HPSE2: variants seen among roughly 807,000 people sequenced by gnomAD.
The protein encoded by HPSE2 is inactive heparanase-2.
Under a neutral mutation model 60.5 loss-of-function variants are expected in HPSE2, and 38 were observed. That is an observed-to-expected ratio of 0.63 (90% CI 0.48 to 0.82). The LOEUF is 0.82. Among genes scored for constraint, HPSE2 ranks in the 40% least tolerant of loss-of-function variants. The pLI is 0.00. For missense variants in HPSE2, 713 were observed against 740.4 expected (o/e 0.96, Z 0.43); for synonymous variants, 295 against 293.2 (o/e 1.01, Z -0.06).
the HPSE2 span, among the ~76,000 whole-genome samples, chr10:99,292,339 A>G: frequency 6.6e-6 from 1 of 152,374 alleles, no homozygotes; most frequent in South Asian, 2.1e-4. Flanking sequence ...CTACTAGTGT[A>G]TAACACTCTT....
At chr10:99,218,268 G>C (rs1849200182) in intron 2 of HPSE2, among the ~76,000 whole-genome samples, 3 of 150,594 alleles carry the variant, frequency 2.0e-5, no homozygotes, top group African/African-American at 4.9e-5. Context: ...GCTTTCTGAA[G>C]GAAACTCAGA....
At chr10:99,257,565 G>C in the HPSE2 span, among the ~76,000 whole-genome samples, 1 of 152,084 alleles carries the variant, frequency 6.6e-6, no homozygotes, top group South Asian at 2.1e-4. Context: ...TGGTCAGACC[G>C]GTTGTCTGCT....
chr10:98,974,094 C>A (rs1956026885), intron 3 of HPSE2, among the ~76,000 whole-genome samples: 1 of 151,892 alleles, frequency 6.6e-6, no homozygotes, highest in Non-Finnish European at 1.5e-5. Flanking sequence ...AGTTTGAGAC[C>A]AGCCTGGCCA....
intron 11 of HPSE2, among the ~76,000 whole-genome samples, chr10:98,470,043 G>T (rs541616144): frequency 6.6e-6 from 1 of 152,234 alleles, no homozygotes; most frequent in Admixed American, 6.5e-5. Flanking sequence ...AGAATGTGGG[G>T]CTACAAAGCA....
intron 3 of HPSE2, among the ~76,000 whole-genome samples, chr10:98,759,076 A>C (rs1949946573): frequency 6.6e-6 from 1 of 152,162 alleles, no homozygotes; most frequent in African/African-American, 2.4e-5. Context: ...AAGTGAATTA[A>C]TGCAGGAACA....
At chr10:99,029,069 G>C (rs1957440389) in intron 3 of HPSE2, among the ~76,000 whole-genome samples, 1 of 152,132 alleles carries the variant, frequency 6.6e-6, no homozygotes, top group South Asian at 2.1e-4. Context: ...ACATTGGTCT[G>C]GGCAAAGATT....
intron 6 of HPSE2, among the ~76,000 whole-genome samples, chr10:98,648,267 G>A (rs903789300): frequency 6.6e-6 from 1 of 152,142 alleles, no homozygotes; most frequent in Non-Finnish European, 1.5e-5. Flanking sequence ...TGATCCTAGC[G>A]GTGTTAAGGA....
intron 9 of HPSE2, among the ~76,000 whole-genome samples, chr10:98,504,065 G>A (rs1309313688): frequency 6.6e-6 from 1 of 152,092 alleles, no homozygotes; most frequent in Non-Finnish European, 1.5e-5. Flanking sequence ...GAATACGAAA[G>A]GTGAAATAAA....
intron 2 of HPSE2, among the ~76,000 whole-genome samples, chr10:99,154,951 T>A (rs1196372347): frequency 6.6e-6 from 1 of 151,470 alleles, no homozygotes; most frequent in Non-Finnish European, 1.5e-5. Context: ...GGGGTTGCAA[T>A]CCTAGTCTCT....
upstream of HPSE2, among the ~76,000 whole-genome samples, chr10:99,239,527 T>C (rs1047117157): frequency 6.7e-6 from 1 of 148,326 alleles, no homozygotes; most frequent in Non-Finnish European, 1.5e-5. Context: ...CCTCCGGGGT[T>C]CAAGCAATTC....
the HPSE2 span, among the ~76,000 whole-genome samples, chr10:99,307,830 GCGCA>G: frequency 5.0e-3 from 711 of 141,094 alleles, 2 homozygotes; most frequent in South Asian, 9.3e-3. Flanking sequence ...CCTAGTAAAT[GCGCA>G]CACACACACA....
rs527839752 is a variant in HPSE2, at chr10:99,186,104, CCACACACACACACACACACACA to C, written c.449-41727_449-41706del. On this transcript the variant is annotated intron_variant, in intron 2 of 11. Coordinates refer to ENST00000370552, the MANE Select transcript of HPSE2 (RefSeq NM_021828.5). Reference sequence around the variant, plus strand: ...TGATAACACTAAGCAGGATAAATAACCACACACACACACACACACACACACACACACACACACACACACACAC... The same window carrying C: ...TGATAACACTAAGCAGGATAAATAACCACACACACACACACACACACACAC... 5.6e-3 allele frequency among the ~76,000 whole-genome samples: 454 copies of C among 80,754 alleles called. 3 individuals are homozygous for C. The highest frequency in any genetic ancestry group is 0.014 in the African/African-American group (421 of 29,286). The allele number at this position is 80,754 out of a possible 152,430, so 53.0% of individuals were successfully genotyped here. A position where few individuals can be genotyped will look rare whatever the true frequency, so the allele number is the denominator to read the frequency against.
intron 2 of HPSE2, among the ~76,000 whole-genome samples, chr10:99,191,191 TG>T (rs1278203432): frequency 6.6e-6 from 1 of 151,936 alleles, no homozygotes; most frequent in South Asian, 2.1e-4. Flanking sequence ...TACCTGGGGC[TG>T]GGGGGTAGTT....
At chr10:98,914,058 C>T (rs548399248) in intron 3 of HPSE2, among the ~76,000 whole-genome samples, 2 of 152,170 alleles carry the variant, frequency 1.3e-5, no homozygotes, top group Admixed American at 1.3e-4. Flanking sequence ...GCTGTGCCCC[C>T]ACCCAAATCT....
At chr10:98,898,675 AAT>A in intron 3 of HPSE2, among the ~76,000 whole-genome samples, 1 of 152,286 alleles carries the variant, frequency 6.6e-6, no homozygotes, top group Non-Finnish European at 1.5e-5. Flanking sequence ...TTGACAAAAA[AAT>A]AAAACAGCAC....
intron 3 of HPSE2, among the ~76,000 whole-genome samples, chr10:98,835,971 A>T (rs544854507): frequency 6.6e-6 from 1 of 152,328 alleles, no homozygotes; most frequent in South Asian, 2.1e-4. Context: ...GAACTCGAAG[A>T]CAGGACAGTA....
At chr10:98,552,806 T>G (rs1425949753) in intron 9 of HPSE2, among the ~76,000 whole-genome samples, 1 of 152,200 alleles carries the variant, frequency 6.6e-6, no homozygotes, top group Non-Finnish European at 1.5e-5. Flanking sequence ...ATGAGAAGTA[T>G]GATCTCTCTT....
chr10:99,160,325 TATA>T (rs1166678096), intron 2 of HPSE2, among the ~76,000 whole-genome samples: 3 of 152,072 alleles, frequency 2.0e-5, no homozygotes, highest in Non-Finnish European at 4.4e-5. Flanking sequence ...TAAAATTATA[TATA>T]ATATCATTAT....
the HPSE2 span, among the ~76,000 whole-genome samples, chr10:99,306,774 A>G: frequency 2.0e-4 from 31 of 152,090 alleles, no homozygotes; most frequent in African/African-American, 5.6e-4. Context: ...CAATGGCGCG[A>G]TCTCGGCTCA....
Sources: allele counts gnomAD v4.1 joint callset (sites outside exome capture counted in the v4.1 genomes callset), GRCh38; gene constraint gnomAD v4.1.1; transcripts MANE v1.5; gene names NCBI Gene and HGNC (gene_info 2026-07-23, HGNC 2026-07-21).